The following FAM227B variants were observed in gnomAD, a reference collection of about 807,000 sequenced individuals.
FAM227B encodes the protein family with sequence similarity 227 member B, also known as protein FAM227B.
A neutral mutation model predicts 73.8 loss-of-function variants in FAM227B; 88 were observed. That is an observed-to-expected ratio of 1.19 (90% CI 1.00 to 1.42). The LOEUF (loss-of-function observed/expected upper bound fraction) is 1.42. Ranked by LOEUF, FAM227B falls within the 40% of genes most tolerant of loss-of-function variation. FAM227B has a pLI of 0.00. For missense variants in FAM227B, 632 were observed against 590.9 expected (o/e 1.07, Z -0.72); for synonymous variants, 210 against 190.5 (o/e 1.10, Z -0.84).
intron 11 of FAM227B, among the ~76,000 whole-genome samples, chr15:49,494,961 T>C (rs1307436148): frequency 1.3e-5 from 2 of 152,186 alleles, no homozygotes; most frequent in Non-Finnish European, 2.9e-5. Flanking sequence ...ACAAATGTCA[T>C]TGTTGCAAAT....
At chr15:49,618,562 G>A (rs2078445694) in intron 1 of FAM227B, among the ~76,000 whole-genome samples, 1 of 152,220 alleles carries the variant, frequency 6.6e-6, no homozygotes, top group Non-Finnish European at 1.5e-5. Context: ...CTAGACAGTA[G>A]TGATAACACT....
chr15:49,352,206 T>G (rs2042355944), intron 13 of FAM227B, among the ~76,000 whole-genome samples: 1 of 152,020 alleles, frequency 6.6e-6, no homozygotes, highest in African/African-American at 2.4e-5. Context: ...AAAGCAAGAG[T>G]GAAACAGGCA....
intron 10 of FAM227B, among the ~76,000 whole-genome samples, chr15:49,531,375 C>T (rs2060597963): frequency 6.6e-6 from 1 of 151,686 alleles, no homozygotes; most frequent in African/African-American, 2.4e-5. Flanking sequence ...AACAAATAAT[C>T]ATAGAAAAAT....
intron 9 of FAM227B, among the ~76,000 whole-genome samples, chr15:49,552,358 C>G (rs954104433): frequency 8.8e-5 from 13 of 148,502 alleles, no homozygotes; most frequent in Non-Finnish European, 1.6e-4. Flanking sequence ...GCCAGATGTA[C>G]TGGAGCATTA....
intron 9 of FAM227B, among the ~76,000 whole-genome samples, chr15:49,550,883 G>A (rs377041787): frequency 0.052 from 7,923 of 152,070 alleles, 348 homozygotes; most frequent in East Asian, 0.23. Context: ...ACGGGGTGGC[G>A]GCCGGGCAGA....
rs1381712620 is a variant in FAM227B at position 49,357,072 on chromosome 15, T to C, written c.1271+10376A>G. 4.1e-3 allele frequency among the ~76,000 whole-genome samples: 607 copies of C among 149,132 alleles called. 2 individuals are homozygous for C. Among genetic ancestry groups the C allele is most frequent in the African/African-American group, 0.013 (539 of 40,110 alleles). On this transcript the variant is annotated intron_variant, in intron 13 of 15. Coordinates refer to ENST00000299338, the MANE Select transcript of FAM227B (RefSeq NM_152647.3). Reference sequence around the variant, plus strand: ...ACACAACATACCAGAATCTCTGGGATGCATTCAAAGCAGTGTGTAGAGGGA... The same window carrying C: ...ACACAACATACCAGAATCTCTGGGACGCATTCAAAGCAGTGTGTAGAGGGA...
chr15:49,533,300 C>G (rs950153492), intron 10 of FAM227B, among the ~76,000 whole-genome samples: 9 of 151,952 alleles, frequency 5.9e-5, no homozygotes, highest in African/African-American at 2.2e-4. Context: ...AACATATGAT[C>G]TATCCTGGAA....
intron 11 of FAM227B, chr15:49,422,817 CTCA>C: frequency 4.9e-6 from 5 of 1,027,082 alleles, no homozygotes; most frequent in Non-Finnish European, 7.1e-6. Context: ...CTTTAAGGCA[CTCA>C]TATGTTAGTT....
chr15:49,539,206 A>G (rs2070709990), intron 10 of FAM227B, among the ~76,000 whole-genome samples: 1 of 152,176 alleles, frequency 6.6e-6, no homozygotes, highest in Non-Finnish European at 1.5e-5. Context: ...AGATGAGGTC[A>G]GCATCACTGA....
At chr15:49,579,118 A>G (rs1480954985) in intron 5 of FAM227B, among the ~76,000 whole-genome samples, 2 of 152,212 alleles carry the variant, frequency 1.3e-5, no homozygotes, top group African/African-American at 4.8e-5. Flanking sequence ...ATATCATCTT[A>G]TCCAAATTAG....
chr15:49,492,945 A>C (rs923440888), intron 11 of FAM227B, among the ~76,000 whole-genome samples: 1 of 151,888 alleles, frequency 6.6e-6, no homozygotes, highest in African/African-American at 2.4e-5. Context: ...TCATTCAATT[A>C]ACTAAACTTA....
intron 12 of FAM227B, 72 bp from the exon 13 acceptor site, chr15:49,367,680 C>G: frequency 1.5e-6 from 2 of 1,331,714 alleles, no homozygotes; most frequent in Non-Finnish European, 2.0e-6. Context: ...TAAAATATAA[C>G]TTCATATTTA....
chr15:49,569,609 T>C (rs2074944648), intron 8 of FAM227B, among the ~76,000 whole-genome samples: 1 of 152,022 alleles, frequency 6.6e-6, no homozygotes, highest in Non-Finnish European at 1.5e-5. Context: ...ATATCCATTA[T>C]CTCAGTTACT....
At chr15:49,409,584 A>C (rs1193510167) in intron 11 of FAM227B, among the ~76,000 whole-genome samples, 1 of 151,266 alleles carries the variant, frequency 6.6e-6, no homozygotes, top group Non-Finnish European at 1.5e-5. Flanking sequence ...TAGAAACTTG[A>C]AACAGTGGCT....
intron 11 of FAM227B, among the ~76,000 whole-genome samples, chr15:49,394,889 A>C (rs2047466088): frequency 6.6e-6 from 1 of 152,116 alleles, no homozygotes; most frequent in South Asian, 2.1e-4. Flanking sequence ...TTGACTGTTG[A>C]ATGCAGTGTC....
At chr15:49,336,775 T>C (rs565878268) in intron 13 of FAM227B, among the ~76,000 whole-genome samples, 2 of 152,266 alleles carry the variant, frequency 1.3e-5, no homozygotes, top group Non-Finnish European at 2.9e-5. Flanking sequence ...TTTCACGATA[T>C]TGAGGTTTGG....
intron 11 of FAM227B, among the ~76,000 whole-genome samples, chr15:49,503,006 G>A (rs148860580): frequency 6.6e-5 from 10 of 152,196 alleles, no homozygotes; most frequent in East Asian, 5.8e-4. Flanking sequence ...GAGGCATCAC[G>A]TTACCTGACT....
intron 13 of FAM227B, among the ~76,000 whole-genome samples, chr15:49,343,229 CTTT>C (rs1567109908): frequency 6.6e-6 from 1 of 151,916 alleles, no homozygotes; most frequent in African/African-American, 2.4e-5. Context: ...TTTCTTAATT[CTTT>C]TTTTAATTTT....
chr15:49,378,493 G>A (rs1458192045), intron 11 of FAM227B, among the ~76,000 whole-genome samples: 1 of 51,284 alleles, frequency 1.9e-5, no homozygotes, highest in Non-Finnish European at 4.4e-5. Context: ...TATTTCATCA[G>A]TGTTTTATAG....
Sources: allele counts gnomAD v4.1 joint callset (sites outside exome capture counted in the v4.1 genomes callset), GRCh38; gene constraint gnomAD v4.1.1; transcripts MANE v1.5; gene names NCBI Gene and HGNC (gene_info 2026-07-23, HGNC 2026-07-21).